The following KIAA1217 variants were observed in gnomAD, a reference collection of about 807,000 sequenced individuals.
KIAA1217 encodes KIAA1217.
In KIAA1217, 88 loss-of-function variants were observed where a neutral mutation model predicts 163.9. The ratio of observed to expected loss-of-function variants is 0.54; its 90% CI spans 0.45 to 0.64. The LOEUF (loss-of-function observed/expected upper bound fraction) is 0.64. Ranked by LOEUF, KIAA1217 falls within the 30% of genes least tolerant of loss-of-function variation. The pLI is 0.00. For missense variants in KIAA1217, 2,372 were observed against 2,475.0 expected, an observed-to-expected ratio of 0.96 and a Z score of 0.88; for synonymous variants, 903 against 923.1, an observed-to-expected ratio of 0.98 and a Z score of 0.39.
intron 2 of KIAA1217, among the ~76,000 whole-genome samples, chr10:24,029,280 A>G (rs2131532841): frequency 6.6e-6 from 1 of 152,268 alleles, no homozygotes; most frequent in East Asian, 1.9e-4. Context: ...CTTTCTTTAC[A>G]ATGGACACTG....
At chr10:24,004,094 C>T (rs1238562222) in intron 1 of KIAA1217, among the ~76,000 whole-genome samples, 1 of 152,158 alleles carries the variant, frequency 6.6e-6, no homozygotes, top group African/African-American at 2.4e-5. Flanking sequence ...ATTCTCCTGC[C>T]TCAGCCTCCT....
chr10:23,749,007 C>T (rs188799511), intron 1 of KIAA1217, among the ~76,000 whole-genome samples: 67 of 152,300 alleles, frequency 4.4e-4, no homozygotes, highest in African/African-American at 1.4e-3. Flanking sequence ...CGTCCTAGAG[C>T]TCGTCATCAC....
chr10:23,974,210 T>C (rs1008859814), intron 1 of KIAA1217, among the ~76,000 whole-genome samples: 25 of 152,188 alleles, frequency 1.6e-4, no homozygotes, highest in Admixed American at 6.5e-5. Flanking sequence ...GTTTGAAGTC[T>C]ATGCCCAACA....
chr10:24,080,061 G>C (rs1025727545), intron 2 of KIAA1217, among the ~76,000 whole-genome samples: 1 of 152,176 alleles, frequency 6.6e-6, no homozygotes, highest in African/African-American at 2.4e-5. Flanking sequence ...TGTTCTTCCG[G>C]CCTGTGTCCT....
chr10:24,307,266 C>T (rs550598632), intron 2 of KIAA1217, among the ~76,000 whole-genome samples: 2 of 152,304 alleles, frequency 1.3e-5, no homozygotes, highest in South Asian at 4.1e-4. Flanking sequence ...TGAGCTCCTT[C>T]TCAAGAGCTC....
intron 1 of KIAA1217, among the ~76,000 whole-genome samples, chr10:23,733,021 G>GTT (rs35590383): frequency 2.0e-4 from 29 of 147,900 alleles, no homozygotes; most frequent in South Asian, 4.3e-4. Flanking sequence ...GTATGTTTTT[G>GTT]TTTTTTTTTT....
chr10:24,364,040 G>A (rs138592107), intron 2 of KIAA1217, among the ~76,000 whole-genome samples: 3 of 150,890 alleles, frequency 2.0e-5, no homozygotes, highest in East Asian at 2.0e-4. Flanking sequence ...GTGCAATGGC[G>A]CAGTCTTGGC....
chr10:24,052,648 A>G (rs1183219501), intron 2 of KIAA1217, among the ~76,000 whole-genome samples: 2 of 152,138 alleles, frequency 1.3e-5, no homozygotes, highest in African/African-American at 4.8e-5. Flanking sequence ...AAATACTTCT[A>G]TTATATTACA....
chr10:24,279,935 C>T (rs1011340710), intron 2 of KIAA1217, among the ~76,000 whole-genome samples: 1 of 152,104 alleles, frequency 6.6e-6, no homozygotes, highest in Non-Finnish European at 1.5e-5. Context: ...TCTTAAAAAC[C>T]GATTTGAAAA....
intron 2 of KIAA1217, among the ~76,000 whole-genome samples, chr10:24,030,361 T>A (rs1848141257): frequency 6.6e-6 from 1 of 151,770 alleles, no homozygotes; most frequent in Non-Finnish European, 1.5e-5. Context: ...AATGAGGGAG[T>A]TCTCATGAGA....
At chr10:23,830,735 TAGAC>T (rs770696279) in intron 1 of KIAA1217, among the ~76,000 whole-genome samples, 26 of 151,818 alleles carry the variant, frequency 1.7e-4, no homozygotes, top group South Asian at 1.0e-3. Flanking sequence ...GATAGCTAGA[TAGAC>T]AGATAGATGA....
At chr10:24,227,836 T>C (rs956774651) in intron 2 of KIAA1217, among the ~76,000 whole-genome samples, 4 of 152,116 alleles carry the variant, frequency 2.6e-5, no homozygotes, top group African/African-American at 9.7e-5. Context: ...CCGGCCAATA[T>C]GAGCATTTGA....
At chr10:23,977,047 G>A (rs543366100) in intron 1 of KIAA1217, among the ~76,000 whole-genome samples, 114 of 152,172 alleles carry the variant, frequency 7.5e-4, no homozygotes, top group East Asian at 1.7e-3. Flanking sequence ...TTCTGCTGAC[G>A]GAGATCTTTT....
chr10:24,506,709 T>C (rs564853695), intron 9 of KIAA1217, among the ~76,000 whole-genome samples: 1 of 152,282 alleles, frequency 6.6e-6, no homozygotes, highest in South Asian at 2.1e-4. Flanking sequence ...AAACCTACAG[T>C]TGACCCAGCT....
chr10:24,190,895 A>T (rs1251706394), intron 2 of KIAA1217, among the ~76,000 whole-genome samples: 2 of 33,466 alleles, frequency 6.0e-5, no homozygotes, highest in East Asian at 4.4e-4. Context: ...TGTCATGCTT[A>T]AAAAAAAATG....
At chr10:24,196,410 T>C (rs1338563208) in intron 2 of KIAA1217, among the ~76,000 whole-genome samples, 1 of 152,218 alleles carries the variant, frequency 6.6e-6, no homozygotes, top group African/African-American at 2.4e-5. Context: ...TTTACATTTT[T>C]ATTAGAAAAC....
intron 1 of KIAA1217, among the ~76,000 whole-genome samples, chr10:23,932,387 A>G (rs1378161865): frequency 6.6e-6 from 1 of 151,828 alleles, no homozygotes; most frequent in Non-Finnish European, 1.5e-5. Flanking sequence ...AGCAAAATGT[A>G]CAAATTGAAC....
rs184617489 is a variant in KIAA1217 at position 24,258,630 on chromosome 10, T to C, written c.354+38721T>C. Among the ~76,000 whole-genome samples, 766 of 151,362 alleles carry C rather than the reference T, an allele frequency of 5.1e-3. 8 individuals carry two copies. Among genetic ancestry groups the C allele is most frequent in the African/African-American group, 0.018 (729 of 41,206 alleles). ...TTTTTTGAGACGGAGTCTCGCTCTG[T>C]CACCCAGGCTGGAGTGCAGTGGCGC... is the stretch of plus-strand genomic sequence containing the variant. On this transcript the variant is annotated intron_variant, in intron 2 of 20. Coordinates refer to ENST00000376454, the MANE Select transcript of KIAA1217 (RefSeq NM_019590.5).
intron 2 of KIAA1217, among the ~76,000 whole-genome samples, chr10:24,125,342 G>A (rs1372690762): frequency 6.6e-6 from 1 of 151,614 alleles, no homozygotes; most frequent in Non-Finnish European, 1.5e-5. Context: ...GTGTGTGTGT[G>A]TGTGTGTGTG....
Sources: gnomAD v4.1 joint callset for allele counts (sites outside exome capture counted in the v4.1 genomes callset) on GRCh38, gnomAD v4.1.1 for gene constraint, MANE v1.5 for transcripts, NCBI Gene and HGNC (gene_info 2026-07-23, HGNC 2026-07-21) for gene names.